The following OPCML variants were observed in gnomAD, a reference collection of about 807,000 sequenced individuals.
The protein encoded by OPCML is opioid binding protein/cell adhesion molecule like, also known as opioid-binding protein/cell adhesion molecule.
In OPCML, 13 loss-of-function variants were observed where a neutral mutation model predicts 37.8. That is an observed-to-expected ratio of 0.34 (90% CI 0.22 to 0.55). The LOEUF (loss-of-function observed/expected upper bound fraction) is 0.55, where lower values mean the gene tolerates loss of function less well. Ranked by LOEUF, OPCML falls within the 20% of genes least tolerant of loss-of-function variation. OPCML has a pLI of 0.91. For missense variants in OPCML, 341 were observed against 435.6 expected, an observed-to-expected ratio of 0.78 and a Z score of 1.93; for synonymous variants, 176 against 168.8, an observed-to-expected ratio of 1.04 and a Z score of -0.33.
At chr11:133,184,604 C>A (rs1937991610) in intron 1 of OPCML, among the ~76,000 whole-genome samples, 2 of 152,234 alleles carry the variant, frequency 1.3e-5, no homozygotes, top group Middle Eastern at 6.8e-3. Flanking sequence ...TCACCATTGG[C>A]AGATCTATAA....
At chr11:132,914,584 A>C (rs1944544316) in intron 2 of OPCML, among the ~76,000 whole-genome samples, 1 of 152,214 alleles carries the variant, frequency 6.6e-6, no homozygotes, top group Non-Finnish European at 1.5e-5. Context: ...GAGTCCCAGC[A>C]GAGAGTGAAC....
intron 7 of OPCML, among the ~76,000 whole-genome samples, chr11:132,426,078 G>T: frequency 6.6e-6 from 1 of 152,124 alleles, no homozygotes; most frequent in East Asian, 1.9e-4. Flanking sequence ...CTGAAGTTAA[G>T]CATCTTTAAA....
At chr11:132,671,306 C>T (rs553081616) in intron 2 of OPCML, among the ~76,000 whole-genome samples, 2 of 152,080 alleles carry the variant, frequency 1.3e-5, no homozygotes, top group South Asian at 4.1e-4. Context: ...ATTATGCGAA[C>T]TGTCTCTCCT....
At chr11:132,528,130 TA>T (rs2096313626) in intron 4 of OPCML, among the ~76,000 whole-genome samples, 2 of 152,316 alleles carry the variant, frequency 1.3e-5, no homozygotes, top group South Asian at 4.1e-4. Context: ...ATTTCAGTAT[TA>T]ATATGAATTT....
chr11:132,542,579 C>T (rs758069809), intron 3 of OPCML, among the ~76,000 whole-genome samples: 4 of 152,084 alleles, frequency 2.6e-5, no homozygotes, highest in Admixed American at 6.5e-5. Context: ...TGGCACCTGG[C>T]GACTTGGGAG....
At chr11:133,382,800 C>T (rs1271127235) in intron 1 of OPCML, among the ~76,000 whole-genome samples, 1 of 152,128 alleles carries the variant, frequency 6.6e-6, no homozygotes. Flanking sequence ...AAAGGAGAGG[C>T]CTCTGAGGGG....
At chr11:133,473,159 C>T (rs1947154749) in intron 1 of OPCML, among the ~76,000 whole-genome samples, 1 of 151,980 alleles carries the variant, frequency 6.6e-6, no homozygotes, top group African/African-American at 2.4e-5. Context: ...ACTTCTGGAA[C>T]TTGACTTTGA....
chr11:132,562,976 A>C (rs1196914555), intron 3 of OPCML, among the ~76,000 whole-genome samples: 1 of 152,190 alleles, frequency 6.6e-6, no homozygotes, highest in Non-Finnish European at 1.5e-5. Flanking sequence ...TTAATAGGCA[A>C]TGTTACTCCA....
At chr11:133,158,177 C>T (rs1038704550) in intron 1 of OPCML, among the ~76,000 whole-genome samples, 14 of 152,298 alleles carry the variant, frequency 9.2e-5, no homozygotes, top group African/African-American at 1.2e-4. Flanking sequence ...TGGACTTTTG[C>T]GTTCTACGCA....
intron 2 of OPCML, among the ~76,000 whole-genome samples, chr11:132,696,424 C>T (rs1943601005): frequency 6.6e-6 from 1 of 152,044 alleles, no homozygotes; most frequent in Non-Finnish European, 1.5e-5. Flanking sequence ...AAACTGGTCT[C>T]AGAAGAAACA....
chr11:133,437,848 C>A (rs1402151047), intron 1 of OPCML, among the ~76,000 whole-genome samples: 1 of 151,986 alleles, frequency 6.6e-6, no homozygotes, highest in African/African-American at 2.4e-5. Context: ...GAAAATGATC[C>A]GAGATTTTTA....
At chr11:133,044,584 T>C (rs1947971916) in intron 1 of OPCML, among the ~76,000 whole-genome samples, 1 of 152,216 alleles carries the variant, frequency 6.6e-6, no homozygotes, top group Non-Finnish European at 1.5e-5. Flanking sequence ...ATGTTTACTC[T>C]CAGCCAAGCA....
intron 1 of OPCML, among the ~76,000 whole-genome samples, chr11:133,093,724 G>A (rs1263043347): frequency 1.3e-5 from 2 of 151,994 alleles, no homozygotes; most frequent in East Asian, 1.9e-4. Context: ...TCTGACTGAC[G>A]TTGAATATAG....
intron 1 of OPCML, among the ~76,000 whole-genome samples, chr11:133,012,396 C>T (rs544841945): frequency 3.3e-5 from 5 of 152,172 alleles, no homozygotes; most frequent in South Asian, 2.1e-4. Flanking sequence ...GGATTGGAAG[C>T]GGTTGGAAAA....
At chr11:132,778,134 C>A (rs567691084) in intron 2 of OPCML, among the ~76,000 whole-genome samples, 9 of 152,300 alleles carry the variant, frequency 5.9e-5, no homozygotes, top group Non-Finnish European at 1.3e-4. Context: ...AACGAGGGAG[C>A]AAAGGCATGT....
intron 1 of OPCML, chr11:133,298,434 C>A (rs1942685697): frequency 6.6e-6 from 1 of 152,080 alleles, no homozygotes; most frequent in South Asian, 2.1e-4. Flanking sequence ...TAGAAAAGTA[C>A]CTGGCATGTA....
chr11:132,643,959 A>T (rs1012320813), intron 3 of OPCML, among the ~76,000 whole-genome samples: 2 of 152,220 alleles, frequency 1.3e-5, no homozygotes, highest in Non-Finnish European at 2.9e-5. Context: ...TACCTTGGAA[A>T]TGACAAACAC....
intron 3 of OPCML, 35 bp downstream of exon 3, chr11:132,657,052 C>T (rs202241246): frequency 5.1e-5 from 81 of 1,603,892 alleles, no homozygotes; most frequent in South Asian, 3.3e-4. Context: ...CCATCACTGA[C>T]GGGAATGGCA....
chr11:133,003,174 G>A (rs1250770345), intron 1 of OPCML, among the ~76,000 whole-genome samples: 2 of 152,194 alleles, frequency 1.3e-5, no homozygotes, highest in Non-Finnish European at 2.9e-5. Flanking sequence ...TCCTGTGGCT[G>A]CTATAACAAA....
Sources: gnomAD v4.1 joint callset for allele counts (sites outside exome capture counted in the v4.1 genomes callset) on GRCh38, gnomAD v4.1.1 for gene constraint, MANE v1.5 for transcripts, NCBI Gene and HGNC (gene_info 2026-07-23, HGNC 2026-07-21) for gene names.